ZNF385D: variants seen among roughly 807,000 people sequenced by gnomAD.
ZNF385D encodes zinc finger protein 385D.
In ZNF385D, 15 loss-of-function variants were observed where a neutral mutation model predicts 35.8. The ratio of observed to expected loss-of-function variants is 0.42; its 90% CI spans 0.28 to 0.64. The LOEUF (loss-of-function observed/expected upper bound fraction) is 0.64, where lower values mean the gene tolerates loss of function less well. Ranked by LOEUF, ZNF385D falls within the 30% of genes least tolerant of loss-of-function variation. ZNF385D has a pLI of 0.23. For synonymous variants in ZNF385D, 212 were observed against 186.8 expected (o/e 1.13, Z -1.10); for missense variants, 474 against 494.6 (o/e 0.96, Z 0.39).
At chr3:22,273,324 C>G (rs1701272406) in intron 2 of ZNF385D, among the ~76,000 whole-genome samples, 1 of 151,940 alleles carries the variant, frequency 6.6e-6, no homozygotes, top group African/African-American at 2.4e-5. Context: ...TAATGAGCAG[C>G]AGACATTAGT....
At chr3:22,335,148 C>T (rs1457619204) in intron 2 of ZNF385D, among the ~76,000 whole-genome samples, 1 of 152,126 alleles carries the variant, frequency 6.6e-6, no homozygotes, top group Non-Finnish European at 1.5e-5. Flanking sequence ...AAAAGCAGCC[C>T]TTATCTATGT....
At chr3:21,575,188 T>C (rs2063460794) in intron 2 of ZNF385D, among the ~76,000 whole-genome samples, 1 of 152,184 alleles carries the variant, frequency 6.6e-6, no homozygotes, top group Admixed American at 6.5e-5. Context: ...ATGTAGCCTT[T>C]ATTCTACTTT....
intron 3 of ZNF385D, among the ~76,000 whole-genome samples, chr3:21,777,389 C>T (rs1021117884): frequency 6.6e-6 from 1 of 151,914 alleles, no homozygotes; most frequent in South Asian, 2.1e-4. Context: ...GAGGTTGGGG[C>T]AGGATGGTGA....
At chr3:21,993,813 C>CA (rs981442237) in intron 3 of ZNF385D, among the ~76,000 whole-genome samples, 40 of 152,164 alleles carry the variant, frequency 2.6e-4, no homozygotes, top group African/African-American at 8.9e-4. Flanking sequence ...CGTCCTTACT[C>CA]ATACATAATG....
At chr3:21,611,736 G>C (rs1443208234) in intron 2 of ZNF385D, among the ~76,000 whole-genome samples, 15 of 152,030 alleles carry the variant, frequency 9.9e-5, no homozygotes, top group Non-Finnish European at 1.5e-5. Context: ...ATCATTCATT[G>C]CTTTCTGCAA....
chr3:21,629,044 C>A (rs559059249), intron 2 of ZNF385D, among the ~76,000 whole-genome samples: 2 of 152,092 alleles, frequency 1.3e-5, no homozygotes, highest in South Asian at 2.1e-4. Flanking sequence ...TTACAATGAA[C>A]AGATAATTAG....
At chr3:21,746,020 G>A (rs1450353866) in intron 1 of ZNF385D, among the ~76,000 whole-genome samples, 5 of 152,078 alleles carry the variant, frequency 3.3e-5, no homozygotes, top group African/African-American at 9.7e-5. Context: ...ACAATATTAA[G>A]TCTATATATA....
intron 3 of ZNF385D, among the ~76,000 whole-genome samples, chr3:21,762,464 C>A (rs116176740): frequency 0.01 from 1,580 of 152,252 alleles, 26 homozygotes; most frequent in African/African-American, 0.035. Flanking sequence ...TCCTTGAGTG[C>A]CATACTCATC....
chr3:21,801,709 C>T (rs2072411912), intron 3 of ZNF385D, among the ~76,000 whole-genome samples: 1 of 152,100 alleles, frequency 6.6e-6, no homozygotes, highest in African/African-American at 2.4e-5. Flanking sequence ...TACTGCAGCC[C>T]CTGGGTGCCC....
chr3:22,159,822 A>G (rs572512849), intron 3 of ZNF385D, among the ~76,000 whole-genome samples: 60 of 152,162 alleles, frequency 3.9e-4, no homozygotes, highest in African/African-American at 1.4e-3. Flanking sequence ...GCATTTTTTC[A>G]TGGCCTCCCC....
intron 3 of ZNF385D, among the ~76,000 whole-genome samples, chr3:21,546,324 C>T (rs544523053): frequency 6.6e-5 from 10 of 152,150 alleles, no homozygotes; most frequent in South Asian, 6.2e-4. Context: ...AAATCCTATC[C>T]GGTGATGGAA....
chr3:22,368,610 C>T (rs1348156949), intron 2 of ZNF385D, among the ~76,000 whole-genome samples: 1 of 152,130 alleles, frequency 6.6e-6, no homozygotes, highest in Non-Finnish European at 1.5e-5. Flanking sequence ...GGTGGGCCCT[C>T]TTCCTGGTCT....
chr3:22,088,744 A>G (rs1253481120), intron 3 of ZNF385D, among the ~76,000 whole-genome samples: 2 of 152,176 alleles, frequency 1.3e-5, no homozygotes, highest in African/African-American at 2.4e-5. Flanking sequence ...GATTCCCAAG[A>G]TAAGACCTTA....
chr3:21,828,695 T>C (rs1694808211), intron 3 of ZNF385D, among the ~76,000 whole-genome samples: 2 of 152,348 alleles, frequency 1.3e-5, no homozygotes, highest in South Asian at 2.1e-4. Context: ...ACTACAACCT[T>C]AGTGGCTTAA....
At chr3:21,867,119 G>C (rs1318510576) in intron 3 of ZNF385D, among the ~76,000 whole-genome samples, 1 of 152,072 alleles carries the variant, frequency 6.6e-6, no homozygotes, top group Non-Finnish European at 1.5e-5. Context: ...TTACATGTTA[G>C]AAGGGAGGGG....
At chr3:22,058,810 T>G (rs186107261) in intron 3 of ZNF385D, among the ~76,000 whole-genome samples, 137 of 152,346 alleles carry the variant, frequency 9.0e-4, no homozygotes, top group Non-Finnish European at 1.4e-3. Context: ...GCTTTGTATA[T>G]TTGGTTAAAG....
intron 3 of ZNF385D, among the ~76,000 whole-genome samples, chr3:21,938,689 T>C (rs1197886848): frequency 6.6e-6 from 1 of 152,148 alleles, no homozygotes; most frequent in African/African-American, 2.4e-5. Flanking sequence ...CGCATTCCTT[T>C]CTTACCGTGC....
intron 3 of ZNF385D, among the ~76,000 whole-genome samples, chr3:21,540,926 C>A (rs933958633): frequency 6.6e-6 from 1 of 152,144 alleles, no homozygotes; most frequent in Non-Finnish European, 1.5e-5. Context: ...CTATCAGATT[C>A]AATTTATATC....
intron 2 of ZNF385D, among the ~76,000 whole-genome samples, chr3:22,327,446 G>A (rs1434206493): frequency 6.6e-6 from 1 of 152,126 alleles, no homozygotes. Flanking sequence ...CTGAAGTGGT[G>A]GTCCTAAATT....
Sources: gnomAD v4.1 joint callset for allele counts (sites outside exome capture counted in the v4.1 genomes callset) on GRCh38, gnomAD v4.1.1 for gene constraint, MANE v1.5 for transcripts, NCBI Gene and HGNC (gene_info 2026-07-23, HGNC 2026-07-21) for gene names.